Variants in LRRC37A2 observed in about 807,000 individuals in gnomAD.
The protein encoded by LRRC37A2 is leucine-rich repeat-containing protein 37A2.
Under a neutral mutation model 68.8 loss-of-function variants are expected in LRRC37A2, and 9 were observed. That is an observed-to-expected ratio of 0.13 (90% CI 0.08 to 0.23). LRRC37A2 has a LOEUF of 0.23. Among genes scored for constraint, LRRC37A2 ranks in the 10% least tolerant of loss-of-function variants. LRRC37A2 has a pLI of 1.00. For missense variants in LRRC37A2, 168 were observed against 950.4 expected, an observed-to-expected ratio of 0.18 and a Z score of 10.82; for synonymous variants, 63 against 367.6, an observed-to-expected ratio of 0.17 and a Z score of 9.48.
the LRRC37A2 span, among the ~76,000 whole-genome samples, chr17:46,672,013 G>A: frequency 1.6e-5 from 2 of 128,886 alleles, no homozygotes; most frequent in Middle Eastern, 3.7e-3. Flanking sequence ...AGAATCAACA[G>A]TTTACTTATT....
the LRRC37A2 span, among the ~76,000 whole-genome samples, chr17:46,981,609 A>G: frequency 6.6e-6 from 1 of 152,246 alleles, no homozygotes; most frequent in African/African-American, 2.4e-5. Flanking sequence ...TTATAGCAGC[A>G]TAAAGCAGAC....
At chr17:46,875,474 G>T in the LRRC37A2 span, 3 of 1,378,656 alleles carry the variant, frequency 2.2e-6, no homozygotes, top group Non-Finnish European at 2.9e-6. Flanking sequence ...ATGAAGAGCC[G>T]TGAACTTCAT....
At chr17:46,923,085 G>T in the LRRC37A2 span, 163 of 787,748 alleles carry the variant, frequency 2.1e-4, no homozygotes, top group Non-Finnish European at 3.5e-5. Context: ...GCCCTGGCCG[G>T]CAGGGGAGGG....
the LRRC37A2 span, among the ~76,000 whole-genome samples, chr17:47,000,384 G>A: frequency 3.3e-5 from 5 of 151,886 alleles, no homozygotes; most frequent in South Asian, 2.1e-4. Flanking sequence ...ACAGGTGTGC[G>A]CCACCATGCC....
At chr17:47,043,424 G>A in the LRRC37A2 span, among the ~76,000 whole-genome samples, 3 of 150,216 alleles carry the variant, frequency 2.0e-5, no homozygotes, top group Admixed American at 6.6e-5. Flanking sequence ...GCTTGAACCC[G>A]GGAGGCGGAG....
the LRRC37A2 span, among the ~76,000 whole-genome samples, chr17:46,754,152 T>TTC: frequency 6.6e-6 from 1 of 150,760 alleles, no homozygotes; most frequent in South Asian, 2.1e-4. Context: ...GCCAGTTCTT[T>TTC]TTTTTTTTTT....
chr17:47,001,321 A>C, the LRRC37A2 span, among the ~76,000 whole-genome samples: 2 of 152,134 alleles, frequency 1.3e-5, no homozygotes, highest in Non-Finnish European at 2.9e-5. Context: ...TCTAGTGGCC[A>C]CTGGATAAAT....
the LRRC37A2 span, among the ~76,000 whole-genome samples, chr17:46,731,052 T>C: frequency 6.6e-6 from 1 of 152,098 alleles, no homozygotes; most frequent in Non-Finnish European, 1.5e-5. Context: ...GAAAAACATA[T>C]GTCCACATGA....
the LRRC37A2 span, among the ~76,000 whole-genome samples, chr17:46,752,631 T>C: frequency 6.6e-6 from 1 of 152,114 alleles, no homozygotes; most frequent in Admixed American, 6.5e-5. Flanking sequence ...AATTTTTGTA[T>C]TTTTTGTAGA....
the LRRC37A2 span, among the ~76,000 whole-genome samples, chr17:46,797,525 G>A: frequency 6.6e-6 from 1 of 152,326 alleles, no homozygotes; most frequent in Admixed American, 6.5e-5. Flanking sequence ...CTTGGGCCAT[G>A]GGAAAAACAA....
intron 6 of LRRC37A2, among the ~76,000 whole-genome samples, chr17:46,539,802 C>G (rs1256962772): frequency 6.9e-6 from 1 of 145,060 alleles, no homozygotes; most frequent in African/African-American, 2.7e-5. Context: ...AGATGAACAA[C>G]TTGAATTATG....
the LRRC37A2 span, among the ~76,000 whole-genome samples, chr17:46,949,993 A>C: frequency 6.6e-6 from 1 of 152,236 alleles, no homozygotes; most frequent in Non-Finnish European, 1.5e-5. Flanking sequence ...GCACTTCATA[A>C]ATATTGATTG....
the LRRC37A2 span, among the ~76,000 whole-genome samples, chr17:46,953,205 A>C: frequency 6.9e-6 from 1 of 144,616 alleles, no homozygotes; most frequent in Non-Finnish European, 1.5e-5. Context: ...CACTCCCCCC[A>C]CCCCACAACA....
the LRRC37A2 span, among the ~76,000 whole-genome samples, chr17:47,026,196 A>G: frequency 6.6e-6 from 1 of 152,230 alleles, no homozygotes; most frequent in East Asian, 1.9e-4. Context: ...GTAACATCAG[A>G]GAGACATCTT....
chr17:46,610,877 A>G, the LRRC37A2 span, among the ~76,000 whole-genome samples: 1 of 127,380 alleles, frequency 7.9e-6, no homozygotes, highest in Non-Finnish European at 1.5e-5. Flanking sequence ...TCAACACTCT[A>G]TTGGTGGTTC....
downstream of LRRC37A2, chr17:46,560,522 T>C (rs1160465563): frequency 2.1e-5 from 1 of 46,788 alleles, no homozygotes; most frequent in African/African-American, 9.8e-5. Context: ...AGAGGAAGGC[T>C]GTCTAGGGCA....
the LRRC37A2 span, among the ~76,000 whole-genome samples, chr17:46,868,636 A>T: frequency 6.6e-6 from 1 of 151,798 alleles, no homozygotes; most frequent in African/African-American, 2.4e-5. Flanking sequence ...CACCAAAATA[A>T]ACACATTTTT....
At chr17:46,969,797 T>C in the LRRC37A2 span, among the ~76,000 whole-genome samples, 1 of 152,182 alleles carries the variant, frequency 6.6e-6, no homozygotes, top group Non-Finnish European at 1.5e-5. Flanking sequence ...GATTTGAGTG[T>C]ATAGGAAGGC....
chr17:46,963,278 C>T, the LRRC37A2 span, among the ~76,000 whole-genome samples: 1 of 152,196 alleles, frequency 6.6e-6, no homozygotes, highest in Non-Finnish European at 1.5e-5. Flanking sequence ...GGTGCAGTGG[C>T]TCACGCCTAT....
Sources: gnomAD v4.1 joint callset for allele counts (sites outside exome capture counted in the v4.1 genomes callset) on GRCh38, gnomAD v4.1.1 for gene constraint, MANE v1.5 for transcripts, NCBI Gene and HGNC (gene_info 2026-07-23, HGNC 2026-07-21) for gene names.